The following NAPB variants were observed in gnomAD, a reference collection of about 807,000 sequenced individuals.
The protein encoded by NAPB is beta-soluble NSF attachment protein.
In NAPB, 26 loss-of-function variants were observed where a neutral mutation model predicts 44.7. The observed-to-expected ratio is 0.58, with a 90% CI of 0.43 to 0.81. The LOEUF (loss-of-function observed/expected upper bound fraction) is 0.81. Among genes scored for constraint, NAPB ranks in the 30% least tolerant of loss-of-function variants. NAPB has a pLI of 0.00. For missense variants in NAPB, 315 were observed against 356.4 expected (o/e 0.88, Z 0.94); for synonymous variants, 120 against 116.8 (o/e 1.03, Z -0.18).
intron 3 of NAPB, among the ~76,000 whole-genome samples, chr20:23,396,311 T>G (rs1984357769): frequency 6.6e-6 from 1 of 152,228 alleles, no homozygotes. Context: ...GTCCAGTTTG[T>G]CACTTTGGGA....
intron 7 of NAPB, among the ~76,000 whole-genome samples, chr20:23,383,567 C>A (rs1346340777): frequency 6.6e-6 from 1 of 152,102 alleles, no homozygotes; most frequent in African/African-American, 2.4e-5. Flanking sequence ...AGGAAAAGAA[C>A]AATCAACTTA....
At chr20:23,379,341 G>A (rs1033199128) in intron 10 of NAPB, 104 bp downstream of exon 10, 11 of 857,840 alleles carry the variant, frequency 1.3e-5, no homozygotes, top group African/African-American at 1.2e-4. Flanking sequence ...GTATGCTGGA[G>A]TCATGTTCAA....
chr20:23,403,211 T>C (rs1182093337), intron 1 of NAPB, 139 bp from the exon 2 acceptor site: 14 of 656,082 alleles, frequency 2.1e-5, no homozygotes, highest in Non-Finnish European at 7.8e-6. Flanking sequence ...TTAAAGGAGA[T>C]ACTCTTACTA....
chr20:23,393,063 A>C (rs1296229012), intron 5 of NAPB, among the ~76,000 whole-genome samples: 2 of 152,120 alleles, frequency 1.3e-5, no homozygotes, highest in Non-Finnish European at 2.9e-5. Flanking sequence ...ACCTAAATAA[A>C]GATACTGTGG....
At chr20:23,404,661 G>A (rs1256543691) in intron 1 of NAPB, among the ~76,000 whole-genome samples, 1 of 152,214 alleles carries the variant, frequency 6.6e-6, no homozygotes, top group Non-Finnish European at 1.5e-5. Flanking sequence ...GCTTCACCCA[G>A]AGCAGGTACT....
At position 23,377,218 on chromosome 20, in the gene NAPB, T is replaced by G; in HGVS notation, c.*158A>C. The G allele has an allele frequency of 2.4e-6, 1 of 410,952 alleles. No homozygotes were observed. The highest frequency in any genetic ancestry group is 4.4e-6 in the Non-Finnish European group (1 of 228,250). The allele number at this position is 410,952 out of a possible 1,614,324, so 25.5% of individuals were successfully genotyped here. Reference sequence around the variant, plus strand: ...GAACAGGAGCCTCTCCTTCATTCATTTCACAGCAACACAGACTTGGCGAGC... The same window carrying G: ...GAACAGGAGCCTCTCCTTCATTCATGTCACAGCAACACAGACTTGGCGAGC... On this transcript the variant is annotated 3_prime_UTR_variant, in exon 11 of 11. Transcript: ENST00000377026.
Position 23,421,477 on chromosome 20 carries a change from G to T in NAPB, c.-75C>A. The T allele has an allele frequency of 7.4e-7, 1 of 1,359,054 alleles. No individual in the cohort carries two copies. Among genetic ancestry groups the T allele is most frequent in the Non-Finnish European group, 9.9e-7 (1 of 1,007,158 alleles). 84.2% of individuals were successfully genotyped at this position (1,359,054 alleles called of 1,614,324 possible). A position where few individuals can be genotyped will look rare whatever the true frequency, so the allele number is the denominator to read the frequency against. On this transcript the variant is annotated 5_prime_UTR_variant, in exon 1 of 11. Coordinates refer to ENST00000377026, the MANE Select transcript of NAPB (RefSeq NM_022080.3). ...CAGGCGCCTTAACCCTCCCTCTGGC[G>T]GCCGCAGGGACGCAGGCGCAGGCGC... is the stretch of plus-strand genomic sequence containing the variant.
intron 7 of NAPB, among the ~76,000 whole-genome samples, chr20:23,389,159 C>T (rs578215207): frequency 6.8e-6 from 1 of 146,702 alleles, no homozygotes; most frequent in African/African-American, 2.5e-5. Flanking sequence ...CTCAACATCA[C>T]TAGTCATTAG....
intron 1 of NAPB, among the ~76,000 whole-genome samples, chr20:23,404,920 G>A (rs1354331150): frequency 2.0e-5 from 3 of 152,204 alleles, no homozygotes; most frequent in Non-Finnish European, 2.9e-5. Context: ...ATATACGACT[G>A]GGAGGAATAT....
chr20:23,397,030 G>A (rs1353393021), intron 3 of NAPB, 42 bp downstream of exon 3: 3 of 1,590,274 alleles, frequency 1.9e-6, no homozygotes, highest in Non-Finnish European at 2.6e-6. Flanking sequence ...TGACTGGTTA[G>A]TTACACACAG....
Position 23,409,577 on chromosome 20 carries a change from C to T in NAPB, c.99-6505G>A, listed in dbSNP as rs151194133. On this transcript the variant is annotated intron_variant, in intron 1 of 10. Transcript: ENST00000377026. ...ATTCAGAAATGACTGTTACATACAACCTGATTTACCAAGAGCAGTTTTTAA... is the reference window on the plus strand; with the variant it reads ...ATTCAGAAATGACTGTTACATACAATCTGATTTACCAAGAGCAGTTTTTAA... Among the ~76,000 whole-genome samples, 792 of 152,206 alleles carry T rather than the reference C, an allele frequency of 5.2e-3. 6 individuals carry two copies. Among genetic ancestry groups the T allele is most frequent in the Non-Finnish European group, 6.9e-3 (466 of 68,014 alleles).
intron 3 of NAPB, among the ~76,000 whole-genome samples, chr20:23,396,404 T>A (rs1984366474): frequency 6.6e-6 from 1 of 152,226 alleles, no homozygotes; most frequent in Non-Finnish European, 1.5e-5. Context: ...AAATTTGGGA[T>A]CTGTGTGTTA....
intron 8 of NAPB, chr20:23,380,755 C>A (rs1046537481): frequency 6.5e-6 from 1 of 153,158 alleles, no homozygotes; most frequent in Admixed American, 6.5e-5. Context: ...AAACTCCTGA[C>A]CTCAGGTGCT....
intron 1 of NAPB, among the ~76,000 whole-genome samples, chr20:23,407,693 C>A (rs1281948882): frequency 6.6e-6 from 1 of 152,038 alleles, no homozygotes; most frequent in Non-Finnish European, 1.5e-5. Flanking sequence ...AAGGAGGTCA[C>A]GACACTGAGG....
At chr20:23,380,285 C>G (rs978374382) in intron 8 of NAPB, among the ~76,000 whole-genome samples, 1 of 152,166 alleles carries the variant, frequency 6.6e-6, no homozygotes, top group South Asian at 2.1e-4. Flanking sequence ...GCTTCCTGCT[C>G]GAAGCTGACA....
At position 23,385,623 on chromosome 20, in the gene NAPB, A is replaced by C. The variant is rs115953027; in HGVS notation, c.562-4306T>G. The stretch of plus-strand genomic sequence containing the variant: ...GCTACTCGGGAGGCTGAGGCACGAA[A>C]ATAGTTTGAACCTGGGAGGTGGAGG... On this transcript the variant is annotated intron_variant, in intron 7 of 10. Transcript: ENST00000377026. Among the ~76,000 whole-genome samples the C allele has an allele frequency of 7.5e-3, 1,148 of 152,160 alleles. 20 individuals are homozygous for C. The highest frequency in any genetic ancestry group is 0.026 in the African/African-American group (1,075 of 41,522).
rs749882482 is a variant in NAPB at position 23,403,004 on chromosome 20, T to C, written c.167A>G (p.Lys56Arg). Residue 56 changes from lysine to arginine, a missense_variant, in exon 2 of 11, where the codon AAA becomes AGA. Transcript: ENST00000377026. ...AACTTTGTACATACCACTCCAATTT[T>C]TAGCCATCTTGAACATATTTGCAGC... ...TRAANMFKMA[K>R]NWSAAGNAFC... The C allele has an allele frequency of 5.6e-5, 91 of 1,613,532 alleles. No individual in the cohort carries two copies. Among genetic ancestry groups the C allele is most frequent in the Non-Finnish European group, 7.4e-5 (87 of 1,179,770 alleles).
chr20:23,421,164 G>A (rs979510241), intron 1 of NAPB, 141 bp downstream of exon 1: 4 of 630,280 alleles, frequency 6.3e-6, no homozygotes, highest in Non-Finnish European at 1.0e-5. Context: ...GATTTCTGGA[G>A]GGCGCCTGCA....
intron 1 of NAPB, among the ~76,000 whole-genome samples, chr20:23,406,612 C>A (rs891422097): frequency 4.6e-5 from 7 of 150,944 alleles, no homozygotes; most frequent in African/African-American, 9.8e-5. Context: ...CTTCATGTCC[C>A]TTTCCCTCCA....
Sources: allele counts gnomAD v4.1 joint callset (sites outside exome capture counted in the v4.1 genomes callset), GRCh38; gene constraint gnomAD v4.1.1; transcripts MANE v1.5; gene names NCBI Gene and HGNC (gene_info 2026-07-23, HGNC 2026-07-21).